Variants in MYH6 observed in about 807,000 individuals in gnomAD.
MYH6 encodes myosin heavy chain 6.
Under a neutral mutation model 223.2 loss-of-function variants are expected in MYH6, and 126 were observed. That is an observed-to-expected ratio of 0.56 (90% CI 0.49 to 0.65). The LOEUF (loss-of-function observed/expected upper bound fraction) is 0.65, where lower values mean the gene tolerates loss of function less well. MYH6 is among the 30% of genes least tolerant of loss of function. The probability of loss-of-function intolerance (pLI) is 0.00; values close to 1 mark genes in which losing one functional copy is unlikely to be tolerated. For synonymous variants in MYH6, 978 were observed against 1,010.2 expected (o/e 0.97, Z 0.61); for missense variants, 2,040 against 2,536.4 (o/e 0.80, Z 4.20).
At position 23,407,471 on chromosome 14, in the gene MYH6, AG is replaced by A. The variant is rs995855760; in HGVS notation, c.-14+104del. The A allele has an allele frequency of 2.4e-6, 3 of 1,268,974 alleles. No individual in the cohort carries two copies. The highest frequency in any genetic ancestry group is 3.0e-5 in the African/African-American group (2 of 66,138). 78.6% of individuals were successfully genotyped at this position (1,268,974 alleles called of 1,614,324 possible). On this transcript the variant is annotated intron_variant, in intron 2 of 38. Coordinates refer to ENST00000405093, the MANE Select transcript of MYH6 (RefSeq NM_002471.4). This position sits in a 1 kb window ranked among gnomAD's most constrained non-coding sequence, Gnocchi z 5.6. ...GGGTGGCATTGGCTGGAGTATGCTA[AG>A]GGTTGGCGCTGAGTGCTTGGGACAG...
At chr14:23,399,117 A>G (rs979872896) in intron 14 of MYH6, 80 bp from the exon 15 acceptor site, 46 of 1,562,668 alleles carry the variant, frequency 2.9e-5, no homozygotes, top group Admixed American at 3.4e-5. Flanking sequence ...CTGACAGGAA[A>G]AGGAATCTGG....
Position 23,383,339 on chromosome 14 carries a change from G to GGGGGGGGGGGGGGCCCCCCCCCC in MYH6, c.5566-20_5566-19insGGGGGGGGGGCCCCCCCCCCCCC. ...CCTCTGTCTGGGGGTGGGAGGGTGGGAGAAGCTGGTTTGGAGGGGGAGCAA... is the reference window on the plus strand; with the variant it reads ...CCTCTGTCTGGGGGTGGGAGGGTGGGGGGGGGGGGGGGGCCCCCCCCCCAGAAGCTGGTTTGGAGGGGGAGCAA... On this transcript the variant is annotated intron_variant, in intron 36 of 38. Coordinates refer to ENST00000405093, the MANE Select transcript of MYH6 (RefSeq NM_002471.4). The GGGGGGGGGGGGGGCCCCCCCCCC allele has an allele frequency of 1.8e-5, 2 of 108,186 alleles. No homozygotes were observed. Among genetic ancestry groups the GGGGGGGGGGGGGGCCCCCCCCCC allele is most frequent in the Non-Finnish European group, 1.8e-5 (1 of 54,372 alleles). The allele number at this position is 108,186 out of a possible 1,614,324, so 6.7% of individuals were successfully genotyped here. A position where few individuals can be genotyped will look rare whatever the true frequency, so the allele number is the denominator to read the frequency against.
chr14:23,406,227 C>G (rs1451160796), intron 3 of MYH6, among the ~76,000 whole-genome samples: 1 of 152,204 alleles, frequency 6.6e-6, no homozygotes, highest in Non-Finnish European at 1.5e-5. Context: ...ACTCCACACT[C>G]CCCATCCATC....
At chr14:23,385,831 C>T in intron 34 of MYH6, 97 bp downstream of exon 34, 3 of 1,544,120 alleles carry the variant, frequency 1.9e-6, no homozygotes, top group Non-Finnish European at 2.7e-6. Context: ...GATTTGTGAC[C>T]CTGGCTAGAT....
intron 22 of MYH6, 49 bp from the exon 23 acceptor site, chr14:23,393,567 G>A (rs1386179097): frequency 1.2e-6 from 2 of 1,613,854 alleles, no homozygotes; most frequent in Admixed American, 3.3e-5. Flanking sequence ...CACCAGCCTG[G>A]AGACATCTAT....
rs764540332 is a variant in MYH6 at position 23,390,300 on chromosome 14, G to C, written c.3489C>G (p.Ile1163Met). Residue 1163 changes from isoleucine (I) to methionine (M), a missense_variant, in exon 26 of 39, where the codon ATC (isoleucine) becomes ATG (methionine). Ile to Met is a conservative substitution (Grantham distance 10, BLOSUM62 1). Transcript: ENST00000405093. ...EEAGGATSVQ[I>M]EMNKKREAEF... ...CGGCCTCGCGCTTCTTGTTCATCTC[G>C]ATCTGCACGGACGTGGCCCCGCCGG... The C allele has an allele frequency of 1.1e-5, 17 of 1,604,024 alleles. No homozygotes were observed. The highest frequency in any genetic ancestry group is 1.4e-5 in the Non-Finnish European group (16 of 1,176,492).
chr14:23,404,651 T>C, intron 7 of MYH6, 60 bp downstream of exon 7: 2 of 1,491,204 alleles, frequency 1.3e-6, no homozygotes, highest in Non-Finnish European at 1.9e-6. Context: ...GGGTTAGGGG[T>C]AACTCGGGTC....
At position 23,384,913 on chromosome 14, in the gene MYH6, T is replaced by C. The variant is rs1157945696; in HGVS notation, c.5289+3A>G. 1.9e-6 allele frequency: 3 copies of C among 1,613,922 alleles called. No individual in the cohort carries two copies. The highest frequency in any genetic ancestry group is 1.7e-5 in the Admixed American group (1 of 60,016). On this transcript the variant is annotated splice_donor_region_variant and intron_variant, in intron 35 of 38. Coordinates refer to ENST00000405093, the MANE Select transcript of MYH6 (RefSeq NM_002471.4). Reference sequence around the variant, plus strand: ...GGGAGGCGGAAGGTGGGCGGTCACTTACATCCGTGATGGCCTTCTTGGCCT... The same window carrying C: ...GGGAGGCGGAAGGTGGGCGGTCACTCACATCCGTGATGGCCTTCTTGGCCT...
Position 23,384,439 on chromosome 14 carries a change from C to A in MYH6, c.5565+3G>T, listed in dbSNP as rs1325601781. On this transcript the variant is annotated splice_donor_region_variant and intron_variant, in intron 36 of 38. Coordinates refer to ENST00000405093, the MANE Select transcript of MYH6 (RefSeq NM_002471.4). The stretch of plus-strand genomic sequence containing the variant: ...TACTCCTGGTGTCTGGCGTCCGCCG[C>A]ACCTGGTAGGTGAGCTCCTTGATGC... 3.1e-6 allele frequency: 5 copies of A among 1,609,852 alleles called. No individual in the cohort carries two copies. In the Admixed American group the frequency reaches 6.7e-5, roughly 21 times the overall value.
Position 23,392,999 on chromosome 14 carries a change from C to T in MYH6, c.3164G>A (p.Arg1055Gln), listed in dbSNP as rs540893860. The T allele has an allele frequency of 6.5e-5, 105 of 1,614,198 alleles. No individual in the cohort carries two copies. The South Asian group carries it at 9.8e-4, about 15-fold the overall frequency. The change falls in exon 24 of 39, where the codon CGG becomes CAG. Residue 1055 changes from arginine to glutamine, a missense_variant. By Grantham distance (43) the Arg-to-Gln change is conservative. Coordinates refer to ENST00000405093, the MANE Select transcript of MYH6 (RefSeq NM_002471.4). ...CAGCTTCAGGTCGCCCTCCAGTTTC[C>T]GCTTTGCTCGCTCCAGGTCCATGCG... The part of the protein sequence containing the change: ...KVRMDLERAK[R>Q]KLEGDLKLTQ...
In MYH6 at chr14:23,393,060, G is replaced by T. The variant is rs1353393033; in HGVS notation, c.3106-3C>A. The stretch of plus-strand genomic sequence containing the variant: ...TCTTGCTCTAGGGATCCCTCCAGCT[G>T]TTGGAGGGAAGAAAATAAGCAAAGT... On this transcript the variant is annotated splice_region_variant and splice_polypyrimidine_tract_variant and intron_variant, in intron 23 of 38. Transcript: ENST00000405093. 1 of 1,614,174 alleles carries T rather than the reference G, an allele frequency of 6.2e-7. No individual in the cohort carries two copies.
chr14:23,383,341 G>GGCCCCCCCCCCCCCCCCC, intron 36 of MYH6, 21 bp from the exon 37 acceptor site: 1 of 556,572 alleles, frequency 1.8e-6, no homozygotes. Flanking sequence ...GAGGGTGGGA[G>GGCCCCCCCCCCCCCCCCC]AAGCTGGTTT....
intron 8 of MYH6, among the ~76,000 whole-genome samples, 190 bp downstream of exon 8, chr14:23,404,106 G>A (rs151153336): frequency 1.1e-4 from 16 of 152,232 alleles, no homozygotes; most frequent in Admixed American, 2.0e-4. Flanking sequence ...GCTCAGAGAG[G>A]TGTAAGGACT....
In MYH6 at chr14:23,386,349, T is replaced by G. The variant is rs1487346307; in HGVS notation, c.4925A>C (p.Gln1642Pro). Residue 1642 changes from glutamine to proline, a missense_variant, in exon 33 of 39, where the codon CAG becomes CCG. Physicochemically the swap from Gln to Pro is moderately conservative, Grantham distance 76. Coordinates refer to ENST00000405093, the MANE Select transcript of MYH6 (RefSeq NM_002471.4). ...SHANRMAAEAQKQVKSLQSLL... is the reference protein window; with the variant it reads ...SHANRMAAEAPKQVKSLQSLL... ...GCTCTGGAGGCTCTTGACTTGCTTC[T>G]GGGCCTCGGCAGCCATGCGGTTGGC... The G allele has an allele frequency of 1.6e-5, 26 of 1,614,186 alleles. No homozygotes were observed. Among genetic ancestry groups the G allele is most frequent in the Non-Finnish European group, 1.9e-5 (23 of 1,180,042 alleles).
Position 23,386,329 on chromosome 14 carries a change from G to A in MYH6, c.4945C>T (p.Gln1649Ter), listed in dbSNP as rs1891020601. The A allele has an allele frequency of 6.2e-7, 1 of 1,614,004 alleles. No individual in the cohort carries two copies. Among genetic ancestry groups the A allele is most frequent in the East Asian group, 2.2e-5 (1 of 44,890 alleles). ...CCCCCATGTACCTTCAGCAAGCTCT[G>A]GAGGCTCTTGACTTGCTTCTGGGCC... The part of the protein sequence containing the change: ...AEAQKQVKSL[Q>*]SLLKDTQIQL... The change falls in exon 33 of 39, where the codon CAG becomes TAG. Residue 1649 changes from glutamine (Q) to a stop codon, truncating the protein, a stop_gained. Transcript: ENST00000405093. LOFTEE classifies it high-confidence loss of function.
rs912144699 is a variant in MYH6 at position 23,397,956 on chromosome 14, T to C, written c.1892-343A>G. ...CCTCTTCTTCTTCTTCTTCTTCTTC[T>C]TCTTCTTCTTCTTCTTCTTCTTCTT... On this transcript the variant is annotated intron_variant, in intron 15 of 38. Coordinates refer to ENST00000405093, the MANE Select transcript of MYH6 (RefSeq NM_002471.4). Among the ~76,000 whole-genome samples the C allele has an allele frequency of 4.5e-3, 485 of 106,664 alleles. 4 individuals are homozygous for C. Among genetic ancestry groups the C allele is most frequent in the African/African-American group, 0.012 (292 of 24,480 alleles). 70.0% of individuals were successfully genotyped at this position (106,664 alleles called of 152,430 possible).
At chr14:23,406,941 G>A (rs1891806203) in intron 3 of MYH6, 82 bp downstream of exon 3, 3 of 1,465,002 alleles carry the variant, frequency 2.0e-6, no homozygotes, top group Non-Finnish European at 2.9e-6. Flanking sequence ...AGCCCTCTCA[G>A]CTCCCCCTGC....
chr14:23,384,069 C>G (rs1890940876), intron 36 of MYH6, among the ~76,000 whole-genome samples: 1 of 151,980 alleles, frequency 6.6e-6, no homozygotes, highest in Non-Finnish European at 1.5e-5. Context: ...TCTTTGTGTG[C>G]CAGAAGTTCT....
At chr14:23,383,662 A>G (rs1486424572) in intron 36 of MYH6, among the ~76,000 whole-genome samples, 4 of 152,210 alleles carry the variant, frequency 2.6e-5, no homozygotes, top group African/African-American at 9.6e-5. Context: ...CTGGACTTAC[A>G]TAGGTTCTCT....
Sources: allele counts gnomAD v4.1 joint callset (sites outside exome capture counted in the v4.1 genomes callset), GRCh38; gene constraint gnomAD v4.1.1; non-coding constraint Gnocchi (gnomAD v3.1); transcripts MANE v1.5; gene names NCBI Gene and HGNC (gene_info 2026-07-23, HGNC 2026-07-21).